Variants in PKP4 observed in about 807,000 individuals in gnomAD.
PKP4 encodes plakophilin 4.
PKP4 carries 90 observed loss-of-function variants against 145.1 expected under a neutral mutation model. The ratio of observed to expected loss-of-function variants is 0.62; its 90% CI spans 0.52 to 0.74. PKP4 has a LOEUF of 0.74. PKP4 is among the 30% of genes least tolerant of loss of function. PKP4 has a pLI of 0.00. For synonymous variants in PKP4, 563 were observed against 577.2 expected (o/e 0.98, Z 0.35); for missense variants, 1,340 against 1,482.7 (o/e 0.90, Z 1.58).
At chr2:158,646,338 A>AATTGCC (rs1376294424) in intron 11 of PKP4, among the ~76,000 whole-genome samples, 1 of 152,232 alleles carries the variant, frequency 6.6e-6, no homozygotes, top group African/African-American at 2.4e-5. Flanking sequence ...CACTTCATGC[A>AATTGCC]ATTGCCATAA....
At chr2:158,468,535 T>C (rs1691013280) in intron 1 of PKP4, among the ~76,000 whole-genome samples, 1 of 152,134 alleles carries the variant, frequency 6.6e-6, no homozygotes, top group African/African-American at 2.4e-5. Context: ...GAATGTTGGC[T>C]CTTTCAGAAT....
chr2:158,679,564 T>C (rs1348129954), intron 21 of PKP4, among the ~76,000 whole-genome samples: 1 of 152,224 alleles, frequency 6.6e-6, no homozygotes, highest in East Asian at 1.9e-4. Flanking sequence ...TTCTATGTGG[T>C]AAATTTGTTA....
At chr2:158,640,360 T>C (rs754193954) in intron 9 of PKP4, among the ~76,000 whole-genome samples, 20 of 152,134 alleles carry the variant, frequency 1.3e-4, no homozygotes, top group Non-Finnish European at 2.1e-4. Context: ...AACACGAGAG[T>C]GGAAGTTACT....
intron 3 of PKP4, among the ~76,000 whole-genome samples, chr2:158,602,480 A>G (rs1303891949): frequency 6.6e-6 from 1 of 152,200 alleles, no homozygotes; most frequent in African/African-American, 2.4e-5. Context: ...AGAGGTGGCA[A>G]GCAGGGAGGC....
intron 3 of PKP4, 77 bp from the exon 4 acceptor site, chr2:158,602,993 A>G (rs1324335708): frequency 4.1e-6 from 3 of 738,326 alleles, no homozygotes; most frequent in South Asian, 4.0e-5. Flanking sequence ...TTAAATGTTA[A>G]TATGCAAAAC....
chr2:158,636,068 C>G (rs142909119), intron 9 of PKP4, among the ~76,000 whole-genome samples: 86 of 152,186 alleles, frequency 5.7e-4, no homozygotes, highest in African/African-American at 2.0e-3. Context: ...TAGTTGTCTA[C>G]TTGGAAACCA....
rs377725926 is a variant in PKP4 at position 158,626,040 on chromosome 2, A to G, written c.1153+613A>G. Among the ~76,000 whole-genome samples, 44 of 152,316 alleles carry G rather than the reference A, an allele frequency of 2.9e-4. No individual in the cohort carries two copies. The South Asian group carries it at 7.2e-3, about 25-fold the overall frequency. Reference sequence around the variant, plus strand: ...GGGTTTTTCGTGGAGGGTTTCCTACATGGTGTAAAGATTTGGTTATTTTAA... The same window carrying G: ...GGGTTTTTCGTGGAGGGTTTCCTACGTGGTGTAAAGATTTGGTTATTTTAA... On this transcript the variant is annotated intron_variant, in intron 7 of 21. Transcript: ENST00000389759.
At chr2:158,457,853 C>G (rs367740813) in intron 1 of PKP4, 1 of 153,798 alleles carries the variant, frequency 6.5e-6, no homozygotes, top group Admixed American at 6.5e-5. Context: ...CGCTCCACCC[C>G]TCCCGGCTCC....
At chr2:158,608,958 C>T (rs765091615) in intron 4 of PKP4, among the ~76,000 whole-genome samples, 7 of 151,448 alleles carry the variant, frequency 4.6e-5, no homozygotes, top group Non-Finnish European at 1.0e-4. Flanking sequence ...GGATTATAAG[C>T]GTGCACCACC....
At chr2:158,537,718 C>A (rs1009097637) in intron 2 of PKP4, among the ~76,000 whole-genome samples, 2 of 152,138 alleles carry the variant, frequency 1.3e-5, no homozygotes, top group Non-Finnish European at 2.9e-5. Context: ...AGCTTACTCT[C>A]TTAGTTGTAA....
intron 1 of PKP4, among the ~76,000 whole-genome samples, chr2:158,496,759 C>CGTGTGTGTGTGTGT (rs58108158): frequency 1.9e-4 from 28 of 144,852 alleles, no homozygotes; most frequent in African/African-American, 4.8e-4. Flanking sequence ...CTTCTCTCTC[C>CGTGTGTGTGTGTGT]GTGTGTGTGT....
chr2:158,565,434 C>CTTTTTTTTTTTTT (rs2046885934), intron 2 of PKP4, among the ~76,000 whole-genome samples: 1 of 74,266 alleles, frequency 1.3e-5, no homozygotes, highest in Non-Finnish European at 3.1e-5. Context: ...CTTCTTTTTT[C>CTTTTTTTTTTTTT]CTTTTTTTTT....
rs568868172 is a variant in PKP4, at chr2:158,542,545, A to AT, written c.132+9238dup. On this transcript the variant is annotated intron_variant, in intron 2 of 21. Coordinates refer to ENST00000389759, the MANE Select transcript of PKP4 (RefSeq NM_003628.6). ...GTGGAATAATTTATCTAGTTGAATA[A>AT]TTTTTTTTTAAAAGCAAACTTTTTA... Among the ~76,000 whole-genome samples, 6 of 151,934 alleles carry AT rather than the reference A, an allele frequency of 3.9e-5. No homozygotes were observed. The South Asian group carries it at 8.3e-4, about 21-fold the overall frequency.
At chr2:158,620,003 C>G (rs576401001) in intron 4 of PKP4, among the ~76,000 whole-genome samples, 2 of 151,946 alleles carry the variant, frequency 1.3e-5, no homozygotes, top group Non-Finnish European at 2.9e-5. Context: ...TGTAATAGGG[C>G]CCAGAGGGAG....
At chr2:158,504,626 G>A (rs1274502232) in intron 1 of PKP4, among the ~76,000 whole-genome samples, 1 of 151,868 alleles carries the variant, frequency 6.6e-6, no homozygotes, top group Non-Finnish European at 1.5e-5. Flanking sequence ...TTTGAGGGTT[G>A]ATTCAGGTTC....
intron 1 of PKP4, among the ~76,000 whole-genome samples, chr2:158,471,070 C>G (rs1356093508): frequency 6.6e-6 from 1 of 152,190 alleles, no homozygotes; most frequent in African/African-American, 2.4e-5. Context: ...AGCTCCTCAG[C>G]AAACACTCTG....
chr2:158,533,171 T>C lies in PKP4; in HGVS notation c.-5-9T>C. Reference sequence around the variant, plus strand: ...AGAAAGTGTTAACCCTTTGCCTGCTTGATTGCAGGAGGAATGCCAGCTCCT... The same window carrying C: ...AGAAAGTGTTAACCCTTTGCCTGCTCGATTGCAGGAGGAATGCCAGCTCCT... On this transcript the variant is annotated splice_polypyrimidine_tract_variant and intron_variant, in intron 1 of 21. Coordinates refer to ENST00000389759, the MANE Select transcript of PKP4 (RefSeq NM_003628.6). 1.2e-6 allele frequency: 2 copies of C among 1,606,738 alleles called. No homozygotes were observed. The highest frequency in any genetic ancestry group is 1.7e-6 in the Non-Finnish European group (2 of 1,177,102).
intron 3 of PKP4, among the ~76,000 whole-genome samples, chr2:158,595,429 A>T (rs531192391): frequency 6.6e-6 from 1 of 152,314 alleles, no homozygotes; most frequent in South Asian, 2.1e-4. Flanking sequence ...AGGGACTTCC[A>T]TAGGAATTAT....
chr2:158,649,228 G>A (rs916268754), intron 11 of PKP4, among the ~76,000 whole-genome samples: 44 of 152,234 alleles, frequency 2.9e-4, no homozygotes, highest in Non-Finnish European at 6.3e-4. Flanking sequence ...CCGAAGTCCA[G>A]GAAGGTTGAG....
Sources: allele counts gnomAD v4.1 joint callset (sites outside exome capture counted in the v4.1 genomes callset), GRCh38; gene constraint gnomAD v4.1.1; transcripts MANE v1.5; gene names NCBI Gene and HGNC (gene_info 2026-07-23, HGNC 2026-07-21).